The following MYT1L variants were observed in gnomAD, a reference collection of about 807,000 sequenced individuals.
The protein encoded by MYT1L is myelin transcription factor 1-like protein.
A neutral mutation model predicts 126.7 loss-of-function variants in MYT1L; 12 were observed. The ratio of observed to expected loss-of-function variants is 0.09; its 90% CI spans 0.06 to 0.15. The LOEUF is 0.15. Among genes scored for constraint, MYT1L ranks in the 10% least tolerant of loss-of-function variants. MYT1L has a pLI of 1.00. For missense variants in MYT1L, 979 were observed against 1,585.2 expected, an observed-to-expected ratio of 0.62 and a Z score of 6.49; for synonymous variants, 541 against 604.2, an observed-to-expected ratio of 0.90 and a Z score of 1.53.
chr2:2,111,896 G>A (rs1182451719), intron 3 of MYT1L, among the ~76,000 whole-genome samples: 1 of 152,238 alleles, frequency 6.6e-6, no homozygotes, highest in Non-Finnish European at 1.5e-5. Flanking sequence ...GTTGCCCCCG[G>A]GCAGTATATC....
chr2:2,281,181 C>A (rs548283936), intron 2 of MYT1L, among the ~76,000 whole-genome samples: 1 of 152,172 alleles, frequency 6.6e-6, no homozygotes, highest in Non-Finnish European at 1.5e-5. Context: ...AGGGGCTTTC[C>A]CTGCTTTGCT....
intron 19 of MYT1L, chr2:1,842,581 C>A (rs555222930): frequency 6.6e-6 from 1 of 152,418 alleles, no homozygotes; most frequent in Admixed American, 6.5e-5. Flanking sequence ...GCCTGTGCTT[C>A]CCCCGACCTT....
chr2:2,261,508 CA>C (rs2094966610), intron 2 of MYT1L, among the ~76,000 whole-genome samples: 1 of 152,164 alleles, frequency 6.6e-6, no homozygotes, highest in Non-Finnish European at 1.5e-5. Flanking sequence ...AGGTAGGAAA[CA>C]GAATTATCTT....
intron 4 of MYT1L, among the ~76,000 whole-genome samples, chr2:2,050,225 C>G (rs2068678518): frequency 6.6e-6 from 1 of 152,156 alleles, no homozygotes; most frequent in African/African-American, 2.4e-5. Context: ...CTGGCAGTTT[C>G]AGGACTACCT....
At chr2:2,136,845 T>C (rs1049981795) in intron 3 of MYT1L, among the ~76,000 whole-genome samples, 1 of 152,098 alleles carries the variant, frequency 6.6e-6, no homozygotes, top group African/African-American at 2.4e-5. Context: ...CCAGGGCAAT[T>C]AGGCAGGAAA....
At chr2:1,927,667 C>T (rs1196885091) in intron 9 of MYT1L, among the ~76,000 whole-genome samples, 1 of 152,190 alleles carries the variant, frequency 6.6e-6, no homozygotes, top group Non-Finnish European at 1.5e-5. Context: ...GAGGAAGCCA[C>T]AGGAGGGGAC....
At chr2:1,824,464 A>G (rs2039011474) in intron 21 of MYT1L, 2 of 152,386 alleles carry the variant, frequency 1.3e-5, no homozygotes, top group Admixed American at 6.5e-5. Flanking sequence ...GATCCCAGAG[A>G]AGGCTGAGCA....
At chr2:2,302,544 C>G (rs996249198) in intron 1 of MYT1L, among the ~76,000 whole-genome samples, 1 of 152,142 alleles carries the variant, frequency 6.6e-6, no homozygotes, top group African/African-American at 2.4e-5. Context: ...AATGACTATG[C>G]CTGCCACTAA....
At chr2:2,225,557 C>T (rs2093987027) in intron 2 of MYT1L, among the ~76,000 whole-genome samples, 1 of 152,148 alleles carries the variant, frequency 6.6e-6, no homozygotes, top group African/African-American at 2.4e-5. Flanking sequence ...TTACTTTCCT[C>T]AGTTCATGTT....
chr2:2,108,965 T>G (rs1575213656), intron 3 of MYT1L, among the ~76,000 whole-genome samples: 1 of 152,150 alleles, frequency 6.6e-6, no homozygotes. Flanking sequence ...CTTTTCCTCC[T>G]CTCCTGTCCT....
intron 22 of MYT1L, among the ~76,000 whole-genome samples, chr2:1,804,802 G>A (rs1198653437): frequency 1.3e-5 from 2 of 152,194 alleles, no homozygotes; most frequent in Non-Finnish European, 2.9e-5. Context: ...AATATTAAGC[G>A]AAATAAGTAG....
chr2:1,915,921 T>C (rs1404489379), intron 11 of MYT1L, among the ~76,000 whole-genome samples: 22 of 152,126 alleles, frequency 1.4e-4, no homozygotes, highest in Admixed American at 1.2e-3. Flanking sequence ...GCAGTGTCGA[T>C]TGCGGGTTCA....
chr2:2,129,703 G>A lies in MYT1L; in HGVS notation c.-304+43169C>T, dbSNP rs1037474746. ...GGGCGGATCACAAGGTCAGGAGATCGAGACCATCCTGGCTAACACGGTGAA... is the reference window on the plus strand; with the variant it reads ...GGGCGGATCACAAGGTCAGGAGATCAAGACCATCCTGGCTAACACGGTGAA... On this transcript the variant is annotated intron_variant, in intron 3 of 24. Transcript: ENST00000647738. Among the ~76,000 whole-genome samples the A allele has an allele frequency of 1.1e-4, 17 of 152,242 alleles. No homozygotes were observed. In the East Asian group the frequency reaches 1.4e-3, roughly 12 times the overall value.
intron 3 of MYT1L, among the ~76,000 whole-genome samples, chr2:2,084,666 AGCCTG>A (rs1009007855): frequency 5.3e-5 from 8 of 152,180 alleles, no homozygotes; most frequent in Non-Finnish European, 1.2e-4. Flanking sequence ...CATGGGCTGC[AGCCTG>A]TGAGAGACCC....
At chr2:2,282,382 T>C (rs2095460170) in intron 2 of MYT1L, among the ~76,000 whole-genome samples, 1 of 152,238 alleles carries the variant, frequency 6.6e-6, no homozygotes, top group African/African-American at 2.4e-5. Context: ...ATGAGATTAG[T>C]TTTTTCTTAA....
chr2:1,844,073 G>C (rs2042186015), intron 19 of MYT1L, among the ~76,000 whole-genome samples: 1 of 152,148 alleles, frequency 6.6e-6, no homozygotes, highest in Admixed American at 6.5e-5. Flanking sequence ...TGAGAAGCCT[G>C]TGCTTGGAGG....
At chr2:1,894,840 A>G (rs980656099) in intron 14 of MYT1L, among the ~76,000 whole-genome samples, 18 of 152,294 alleles carry the variant, frequency 1.2e-4, no homozygotes, top group Admixed American at 9.8e-4. Flanking sequence ...CCCCTCTCAC[A>G]GTGACTCCTG....
At chr2:1,959,207 A>C (rs933578947) in intron 8 of MYT1L, among the ~76,000 whole-genome samples, 1 of 152,204 alleles carries the variant, frequency 6.6e-6, no homozygotes, top group African/African-American at 2.4e-5. Flanking sequence ...GAGTTTGAGA[A>C]GCCATGCGGA....
intron 18 of MYT1L, among the ~76,000 whole-genome samples, chr2:1,863,699 G>A (rs747807687): frequency 4.4e-4 from 65 of 149,032 alleles, no homozygotes; most frequent in Middle Eastern, 3.4e-3. Context: ...CAGTGGTGGC[G>A]ACAGTGGAAG....
Sources: allele counts gnomAD v4.1 joint callset (sites outside exome capture counted in the v4.1 genomes callset), GRCh38; gene constraint gnomAD v4.1.1; transcripts MANE v1.5; gene names NCBI Gene and HGNC (gene_info 2026-07-23, HGNC 2026-07-21).